KCNMA1: variants seen among roughly 807,000 people sequenced by gnomAD.
KCNMA1 encodes the protein potassium calcium-activated channel subfamily M alpha 1, also known as Calcium-activated potassium channel subunit alpha-1.
In KCNMA1, 29 loss-of-function variants were observed where a neutral mutation model predicts 140.0. The ratio of observed to expected loss-of-function variants is 0.21; its 90% CI spans 0.15 to 0.28. The LOEUF (loss-of-function observed/expected upper bound fraction) is 0.28, where lower values mean the gene tolerates loss of function less well. Ranked by LOEUF, KCNMA1 falls within the 10% of genes least tolerant of loss-of-function variation. KCNMA1 has a pLI of 1.00. For synonymous variants in KCNMA1, 612 were observed against 611.9 expected (o/e 1.00, Z 0.00); for missense variants, 880 against 1,602.2 (o/e 0.55, Z 7.70).
At chr10:77,194,343 T>C (rs2039700854) in intron 3 of KCNMA1, among the ~76,000 whole-genome samples, 1 of 152,216 alleles carries the variant, frequency 6.6e-6, no homozygotes, top group South Asian at 2.1e-4. Context: ...GACTTCAAAA[T>C]TCTGTCTGAG....
chr10:77,324,190 T>C (rs1399647929), intron 2 of KCNMA1, among the ~76,000 whole-genome samples: 1 of 152,110 alleles, frequency 6.6e-6, no homozygotes, highest in Non-Finnish European at 1.5e-5. Flanking sequence ...CTGTGCCCAC[T>C]CTCCAGACCT....
At chr10:77,462,115 C>T (rs1429699404) in intron 1 of KCNMA1, among the ~76,000 whole-genome samples, 1 of 151,812 alleles carries the variant, frequency 6.6e-6, no homozygotes, top group African/African-American at 2.4e-5. Flanking sequence ...AACATGCACA[C>T]ACTAACATAA....
chr10:77,557,044 GGCAAAAGA>G (rs2064774302), intron 1 of KCNMA1, among the ~76,000 whole-genome samples: 1 of 152,144 alleles, frequency 6.6e-6, no homozygotes, highest in Admixed American at 6.6e-5. Context: ...AATTAATTTT[GGCAAAAGA>G]GCAAAAGATA....
At chr10:77,524,962 A>G (rs1405189997) in intron 1 of KCNMA1, among the ~76,000 whole-genome samples, 2 of 152,328 alleles carry the variant, frequency 1.3e-5, no homozygotes, top group African/African-American at 2.4e-5. Context: ...CAGCAGGCTA[A>G]GCCGCTGTCA....
At chr10:77,179,833 G>A (rs1489321572) in intron 5 of KCNMA1, among the ~76,000 whole-genome samples, 1 of 152,190 alleles carries the variant, frequency 6.6e-6, no homozygotes, top group African/African-American at 2.4e-5. Context: ...AGGATTAAGT[G>A]AGTCCGTGTC....
chr10:77,319,705 G>A (rs974311618), intron 2 of KCNMA1, among the ~76,000 whole-genome samples: 5 of 152,202 alleles, frequency 3.3e-5, no homozygotes, highest in African/African-American at 7.2e-5. Flanking sequence ...CACATGATGC[G>A]TGACACTTCT....
intron 5 of KCNMA1, among the ~76,000 whole-genome samples, chr10:77,176,537 C>T (rs2098752885): frequency 1.3e-5 from 2 of 152,244 alleles, no homozygotes. Flanking sequence ...CCAACGGTCT[C>T]CTCCCTAACA....
intron 5 of KCNMA1, among the ~76,000 whole-genome samples, chr10:77,165,964 G>A (rs2098637131): frequency 6.6e-6 from 1 of 152,146 alleles, no homozygotes; most frequent in Admixed American, 6.5e-5. Flanking sequence ...AACAGTCTGG[G>A]GAAAATGCAG....
At chr10:77,060,640 G>A (rs1339635402) in intron 14 of KCNMA1, among the ~76,000 whole-genome samples, 2 of 152,140 alleles carry the variant, frequency 1.3e-5, no homozygotes, top group Non-Finnish European at 2.9e-5. Flanking sequence ...TGTTTTGCAG[G>A]GTTGAGACTT....
chr10:76,980,221 C>T (rs2079028485), intron 19 of KCNMA1: 1 of 152,174 alleles, frequency 6.6e-6, no homozygotes, highest in Non-Finnish European at 1.5e-5. Context: ...TGACCCAGGA[C>T]CCAGGTCGGC....
intron 15 of KCNMA1, among the ~76,000 whole-genome samples, chr10:77,029,152 C>T (rs566423082): frequency 1.1e-4 from 16 of 152,252 alleles, no homozygotes; most frequent in East Asian, 1.9e-4. Context: ...CACTTACATA[C>T]TTACAGAATA....
downstream of KCNMA1, among the ~76,000 whole-genome samples, chr10:76,880,110 C>T (rs1589386621): frequency 6.6e-6 from 1 of 152,242 alleles, no homozygotes; most frequent in East Asian, 1.9e-4. Context: ...GGTGAAAGAC[C>T]TAAGACAGCT....
chr10:77,248,838 T>C (rs1047483450), intron 3 of KCNMA1, among the ~76,000 whole-genome samples: 1 of 152,122 alleles, frequency 6.6e-6, no homozygotes, highest in African/African-American at 2.4e-5. Flanking sequence ...ACTAATTCTC[T>C]CCCAAACTAA....
intron 1 of KCNMA1, among the ~76,000 whole-genome samples, chr10:77,410,085 A>G (rs1227670654): frequency 6.6e-6 from 1 of 152,082 alleles, no homozygotes; most frequent in African/African-American, 2.4e-5. Context: ...CTGTGCCACA[A>G]AGCCAGAGCC....
chr10:77,187,716 A>T (rs1318374670), intron 3 of KCNMA1, among the ~76,000 whole-genome samples: 2 of 152,178 alleles, frequency 1.3e-5, no homozygotes, highest in Non-Finnish European at 2.9e-5. Flanking sequence ...GTGATCGGGC[A>T]ATGTACTTTC....
intron 2 of KCNMA1, among the ~76,000 whole-genome samples, chr10:77,276,798 C>A (rs145391204): frequency 6.6e-5 from 10 of 152,176 alleles, no homozygotes; most frequent in African/African-American, 2.4e-4. Context: ...ATGAATAATA[C>A]TATAAAATAT....
intron 3 of KCNMA1, among the ~76,000 whole-genome samples, chr10:77,221,297 C>T (rs536297): frequency 0.88 from 133,486 of 152,140 alleles, 58,890 homozygotes; most frequent in East Asian, 0.98. Context: ...AAAAATTTAA[C>T]GAATCTTCCC....
intron 18 of KCNMA1, among the ~76,000 whole-genome samples, chr10:77,009,294 C>T (rs995712210): frequency 1.8e-4 from 27 of 152,210 alleles, no homozygotes; most frequent in Non-Finnish European, 4.0e-4. Flanking sequence ...TTATTTCAAA[C>T]AATTATGGGC....
intron 5 of KCNMA1, among the ~76,000 whole-genome samples, chr10:77,133,548 C>T (rs1330988458): frequency 6.6e-6 from 1 of 151,044 alleles, no homozygotes; most frequent in South Asian, 2.1e-4. Flanking sequence ...TATATATAAA[C>T]ATTATATTAA....
Sources: gnomAD v4.1 joint callset for allele counts (sites outside exome capture counted in the v4.1 genomes callset) on GRCh38, gnomAD v4.1.1 for gene constraint, MANE v1.5 for transcripts, NCBI Gene and HGNC (gene_info 2026-07-23, HGNC 2026-07-21) for gene names.